PBX1: variants seen among roughly 807,000 people sequenced by gnomAD.
PBX1 encodes the protein PBX homeobox 1.
In PBX1, 6 loss-of-function variants were observed where a neutral mutation model predicts 53.4. That is an observed-to-expected ratio of 0.11 (90% CI 0.06 to 0.22). The LOEUF (loss-of-function observed/expected upper bound fraction) is 0.22. PBX1 is among the 10% of genes least tolerant of loss of function. PBX1 has a pLI of 1.00. For missense variants in PBX1, 251 were observed against 551.4 expected (o/e 0.46, Z 5.46); for synonymous variants, 204 against 212.3 (o/e 0.96, Z 0.34).
At chr1:164,576,698 C>G (rs1213311388) in intron 2 of PBX1, 2 of 152,332 alleles carry the variant, frequency 1.3e-5, no homozygotes, top group Non-Finnish European at 2.9e-5. Context: ...TAACTCTTCT[C>G]CCAAAGGGTG....
rs558311390 is a variant in PBX1, at chr1:164,724,170, A to G, written c.266-68324A>G. Among the ~76,000 whole-genome samples the G allele has an allele frequency of 4.6e-5, 7 of 152,304 alleles. No individual in the cohort carries two copies. The South Asian group carries it at 8.3e-4, about 18-fold the overall frequency. On this transcript the variant is annotated intron_variant, in intron 2 of 8. Transcript: ENST00000420696. ...ATACTGGGTTACAAGTCTTTGTTGC[A>G]TGGAGGTCCTGCAGAACGTGCCATC...
At chr1:164,684,023 G>C (rs1469186489) in intron 2 of PBX1, 5 of 152,108 alleles carry the variant, frequency 3.3e-5, no homozygotes, top group African/African-American at 7.2e-5. Context: ...TCAGTATGTT[G>C]CTCAGGCTGG....
chr1:164,704,507 G>T (rs186321500), intron 2 of PBX1, among the ~76,000 whole-genome samples: 107 of 152,312 alleles, frequency 7.0e-4, no homozygotes, highest in Middle Eastern at 6.8e-3. Context: ...TCGGAGCTAT[G>T]AGAAACTGCT....
intron 2 of PBX1, among the ~76,000 whole-genome samples, chr1:164,635,989 C>G (rs1658751550): frequency 6.6e-6 from 1 of 152,104 alleles, no homozygotes; most frequent in African/African-American, 2.4e-5. Flanking sequence ...GGCTGGGTTC[C>G]TCCTTTACTT....
chr1:164,681,013 C>T (rs1661735438), intron 2 of PBX1, among the ~76,000 whole-genome samples: 1 of 152,076 alleles, frequency 6.6e-6, no homozygotes. Context: ...CCTGTAATCC[C>T]AGCACTTTGG....
At chr1:164,679,127 G>T (rs1421922492) in intron 2 of PBX1, among the ~76,000 whole-genome samples, 1 of 152,096 alleles carries the variant, frequency 6.6e-6, no homozygotes, top group Non-Finnish European at 1.5e-5. Context: ...TCCCCTAAAC[G>T]TTACATAGGT....
At chr1:164,796,517 G>T (rs1316356666) in intron 3 of PBX1, among the ~76,000 whole-genome samples, 1 of 152,130 alleles carries the variant, frequency 6.6e-6, no homozygotes, top group Non-Finnish European at 1.5e-5. Flanking sequence ...AGCTAAGAGA[G>T]CCCTAAGATC....
Position 164,571,885 on chromosome 1 carries a change from A to G in PBX1, c.265+8574A>G, listed in dbSNP as rs1192097293. 6.6e-4 allele frequency among the ~76,000 whole-genome samples: 65 copies of G among 98,054 alleles called. 2 individuals are homozygous for G. The highest frequency in any genetic ancestry group is 2.1e-3 in the African/African-American group (57 of 26,984). The allele number at this position is 98,054 out of a possible 152,430, so 64.3% of individuals were successfully genotyped here. On this transcript the variant is annotated intron_variant, in intron 2 of 8. Transcript: ENST00000420696. ...AAATCTGTACATTGTATATATATAT[A>G]TATATATATATATATATATATATAT...
At chr1:164,666,099 C>T (rs80199899) in intron 2 of PBX1, among the ~76,000 whole-genome samples, 1,609 of 152,294 alleles carry the variant, frequency 0.011, 22 homozygotes, top group African/African-American at 0.037. Flanking sequence ...TGAAGAGATA[C>T]GGGATGTGAC....
chr1:164,668,353 G>A (rs1303014173), intron 2 of PBX1, among the ~76,000 whole-genome samples: 2 of 152,088 alleles, frequency 1.3e-5, no homozygotes, highest in Non-Finnish European at 2.9e-5. Flanking sequence ...GTTCGACTTT[G>A]AGGGTCAGAC....
At chr1:164,628,114 G>T (rs1044235494) in intron 2 of PBX1, among the ~76,000 whole-genome samples, 16 of 152,106 alleles carry the variant, frequency 1.1e-4, no homozygotes, top group Non-Finnish European at 1.9e-4. Flanking sequence ...AGAATTATAA[G>T]AAACAAAATT....
intron 2 of PBX1, among the ~76,000 whole-genome samples, chr1:164,586,008 A>C (rs1053477132): frequency 1.3e-5 from 2 of 152,230 alleles, no homozygotes; most frequent in African/African-American, 4.8e-5. Flanking sequence ...TTCCAGGAGT[A>C]CTTAGTAAAA....
intron 2 of PBX1, among the ~76,000 whole-genome samples, chr1:164,681,293 G>T (rs1024264827): frequency 1.1e-4 from 16 of 151,952 alleles, no homozygotes; most frequent in African/African-American, 3.9e-4. Context: ...TTTTTCCTTT[G>T]TGCTCAGGTA....
At chr1:164,576,943 C>G (rs1053416642) in intron 2 of PBX1, 3 of 132,160 alleles carry the variant, frequency 2.3e-5, no homozygotes, top group African/African-American at 8.6e-5. Context: ...GCTGTGCAGA[C>G]CTCGGTGGTG....
At chr1:164,873,999 G>T (rs1449967518) in intron 2 of PBX1, among the ~76,000 whole-genome samples, 2 of 107,516 alleles carry the variant, frequency 1.9e-5, no homozygotes, top group African/African-American at 6.1e-5. Flanking sequence ...AGATTACTGA[G>T]GAATTCAGAA....
intron 2 of PBX1, chr1:164,682,178 A>G (rs1271386138): frequency 6.6e-6 from 1 of 152,246 alleles, no homozygotes; most frequent in South Asian, 2.1e-4. Context: ...CATCTGATGG[A>G]AAGAATTGGA....
At chr1:164,601,859 A>G (rs915430816) in intron 2 of PBX1, among the ~76,000 whole-genome samples, 4 of 152,152 alleles carry the variant, frequency 2.6e-5, no homozygotes, top group Non-Finnish European at 5.9e-5. Flanking sequence ...TTTAAAAGGA[A>G]GTTAGCTAAG....
intron 2 of PBX1, among the ~76,000 whole-genome samples, chr1:164,692,461 T>C (rs1186646628): frequency 6.6e-6 from 1 of 152,058 alleles, no homozygotes; most frequent in East Asian, 1.9e-4. Context: ...GTGGAGGAAA[T>C]GGGACCCCTT....
rs142399394 is a variant in PBX1, at chr1:164,593,287, A to T, written c.265+29976A>T. On this transcript the variant is annotated intron_variant, in intron 2 of 8. Coordinates refer to ENST00000420696, the MANE Select transcript of PBX1 (RefSeq NM_002585.4). The stretch of plus-strand genomic sequence containing the variant: ...CTTAGATTCTTTTTTAACCCAACTT[A>T]TCTCTTTATAATTCCAGACATCATT... 1.8e-4 allele frequency among the ~76,000 whole-genome samples: 27 copies of T among 152,136 alleles called. 2 individuals are homozygous for T. The East Asian group carries it at 5.0e-3, about 28-fold the overall frequency.
Sources: gnomAD v4.1 joint callset for allele counts (sites outside exome capture counted in the v4.1 genomes callset) on GRCh38, gnomAD v4.1.1 for gene constraint, MANE v1.5 for transcripts, NCBI Gene and HGNC (gene_info 2026-07-23, HGNC 2026-07-21) for gene names.